Variants in MCU observed in about 807,000 individuals in gnomAD.
MCU encodes the protein calcium uniporter protein, mitochondrial.
In MCU, 12 loss-of-function variants were observed where a neutral mutation model predicts 45.2. That is an observed-to-expected ratio of 0.27 (90% CI 0.17 to 0.43). The LOEUF is 0.43. Ranked by LOEUF, MCU falls within the 20% of genes least tolerant of loss-of-function variation. The probability of loss-of-function intolerance (pLI) is 1.00; values close to 1 mark genes in which losing one functional copy is unlikely to be tolerated. For synonymous variants in MCU, 160 were observed against 165.1 expected (o/e 0.97, Z 0.24); for missense variants, 324 against 436.7 (o/e 0.74, Z 2.30).
At chr10:72,817,736 T>C (rs1295993468) in intron 1 of MCU, among the ~76,000 whole-genome samples, 1 of 152,196 alleles carries the variant, frequency 6.6e-6, no homozygotes, top group African/African-American at 2.4e-5. Context: ...AGGAGTGTGC[T>C]GTCACACCCA....
intron 4 of MCU, among the ~76,000 whole-genome samples, chr10:72,865,884 CTG>C: frequency 6.6e-6 from 1 of 150,930 alleles, no homozygotes; most frequent in East Asian, 2.0e-4. Context: ...TCATGCCATT[CTG>C]CTGTCTCAGC....
At chr10:72,739,200 A>G (rs1195927064) in intron 1 of MCU, among the ~76,000 whole-genome samples, 1 of 152,148 alleles carries the variant, frequency 6.6e-6, no homozygotes, top group African/African-American at 2.4e-5. Flanking sequence ...TTTTTTGACT[A>G]CTAGTGACTA....
intron 1 of MCU, among the ~76,000 whole-genome samples, chr10:72,788,019 G>C (rs1044025472): frequency 1.3e-5 from 2 of 152,154 alleles, no homozygotes; most frequent in African/African-American, 4.8e-5. Context: ...GCCCGGCCTA[G>C]AATTAGTTAC....
At chr10:72,853,896 G>C (rs1845247259) in intron 2 of MCU, among the ~76,000 whole-genome samples, 1 of 152,118 alleles carries the variant, frequency 6.6e-6, no homozygotes, top group African/African-American at 2.4e-5. Context: ...CACTTTGGGA[G>C]GCTGAGGCAG....
chr10:72,769,180 C>A (rs566569018), intron 1 of MCU, among the ~76,000 whole-genome samples: 3 of 152,096 alleles, frequency 2.0e-5, no homozygotes, highest in African/African-American at 7.2e-5. Flanking sequence ...CTTTCTTGAT[C>A]TTAGTGTCAG....
chr10:72,882,288 G>A (rs542989840), intron 6 of MCU, among the ~76,000 whole-genome samples: 1 of 152,146 alleles, frequency 6.6e-6, no homozygotes, highest in East Asian at 1.9e-4. Flanking sequence ...ATGAAATCTG[G>A]GCACCTTGAA....
chr10:72,726,410 C>T (rs1379337081), intron 1 of MCU, among the ~76,000 whole-genome samples: 3 of 151,984 alleles, frequency 2.0e-5, no homozygotes, highest in African/African-American at 7.3e-5. Flanking sequence ...ATTCAATGGC[C>T]GTATAATATG....
chr10:72,708,755 A>C (rs1842854003), intron 1 of MCU, among the ~76,000 whole-genome samples: 2 of 152,246 alleles, frequency 1.3e-5, no homozygotes, highest in Admixed American at 6.5e-5. Flanking sequence ...TTCATGAAGC[A>C]GCTAATACTC....
chr10:72,699,949 G>C (rs769463571), intron 1 of MCU, among the ~76,000 whole-genome samples: 1 of 151,632 alleles, frequency 6.6e-6, no homozygotes, highest in African/African-American at 2.4e-5. Context: ...AATGGGTCAC[G>C]CATCTTCTCA....
At chr10:72,761,143 C>T (rs1843651406) in intron 1 of MCU, among the ~76,000 whole-genome samples, 1 of 152,128 alleles carries the variant, frequency 6.6e-6, no homozygotes. Context: ...AATGAAGTGA[C>T]TGAAGATTAG....
chr10:72,703,010 T>C (rs1194280307), intron 1 of MCU, among the ~76,000 whole-genome samples: 1 of 151,248 alleles, frequency 6.6e-6, no homozygotes, highest in Non-Finnish European at 1.5e-5. Flanking sequence ...AAGCAAACAT[T>C]TGGAAATATA....
intron 1 of MCU, among the ~76,000 whole-genome samples, chr10:72,718,278 G>A (rs925646352): frequency 2.0e-5 from 3 of 152,072 alleles, no homozygotes; most frequent in African/African-American, 7.2e-5. Flanking sequence ...AAAAAAAATT[G>A]TTACTTTATC....
chr10:72,744,172 T>A (rs1056899033), intron 1 of MCU, among the ~76,000 whole-genome samples: 2 of 151,776 alleles, frequency 1.3e-5, no homozygotes, highest in African/African-American at 4.8e-5. Flanking sequence ...TATTATGGAA[T>A]AACTATGTAT....
chr10:72,871,319 T>TA (rs1394255761), intron 5 of MCU, 58 bp from the exon 6 acceptor site: 1 of 1,509,588 alleles, frequency 6.6e-7, no homozygotes, highest in Non-Finnish European at 9.2e-7. Flanking sequence ...TAGAACAGTT[T>TA]AAGCCTTTTT....
At chr10:72,860,884 A>G (rs908675094) in intron 4 of MCU, among the ~76,000 whole-genome samples, 2 of 152,202 alleles carry the variant, frequency 1.3e-5, no homozygotes, top group South Asian at 2.1e-4. Flanking sequence ...AAAATAAGCT[A>G]TAGGCTTCTC....
intron 1 of MCU, among the ~76,000 whole-genome samples, chr10:72,769,301 C>G (rs1044598772): frequency 2.6e-5 from 4 of 152,174 alleles, no homozygotes; most frequent in Admixed American, 1.3e-4. Flanking sequence ...AAACCGAGTT[C>G]TTGCTCACAC....
At chr10:72,752,054 T>C (rs1370102157) in intron 1 of MCU, among the ~76,000 whole-genome samples, 1 of 151,794 alleles carries the variant, frequency 6.6e-6, no homozygotes, top group African/African-American at 2.4e-5. Flanking sequence ...TTAGCCAGGA[T>C]GGTCTCGATC....
At chr10:72,706,624 A>G (rs1189559330) in intron 1 of MCU, among the ~76,000 whole-genome samples, 1 of 147,564 alleles carries the variant, frequency 6.8e-6, no homozygotes, top group Non-Finnish European at 1.5e-5. Context: ...TGCAACCTCC[A>G]CTTCCTGGGT....
intron 1 of MCU, among the ~76,000 whole-genome samples, chr10:72,773,765 T>C (rs911149429): frequency 6.6e-6 from 1 of 152,126 alleles, no homozygotes; most frequent in Non-Finnish European, 1.5e-5. Context: ...GGAACTCCAA[T>C]TGGTCTGGCA....
Sources: allele counts gnomAD v4.1 joint callset (sites outside exome capture counted in the v4.1 genomes callset), GRCh38; gene constraint gnomAD v4.1.1; transcripts MANE v1.5; gene names NCBI Gene and HGNC (gene_info 2026-07-23, HGNC 2026-07-21).